The following PCDHA1 variants were observed in gnomAD, a reference collection of about 807,000 sequenced individuals.
PCDHA1 encodes the protein protocadherin alpha-1.
A neutral mutation model predicts 61.3 loss-of-function variants in PCDHA1; 42 were observed. The observed-to-expected ratio is 0.69, with a 90% CI of 0.54 to 0.89. The LOEUF (loss-of-function observed/expected upper bound fraction) is 0.89. Ranked by LOEUF, PCDHA1 falls within the 40% of genes least tolerant of loss-of-function variation. The pLI is 0.00. For missense variants in PCDHA1, 1,256 were observed against 1,235.3 expected (o/e 1.02, Z -0.25); for synonymous variants, 610 against 553.8 (o/e 1.10, Z -1.43).
chr5:140,870,009 G>T, intron 1 of PCDHA1: 2 of 1,613,488 alleles, frequency 1.2e-6, no homozygotes, highest in Non-Finnish European at 1.7e-6. Flanking sequence ...GAGAAGTGAG[G>T]GTCAATGGAA....
intron 1 of PCDHA1, chr5:140,829,893 C>T: frequency 6.2e-7 from 1 of 1,613,966 alleles, no homozygotes; most frequent in South Asian, 1.1e-5. Context: ...GACGCCGACT[C>T]AGGCTACAAC....
intron 1 of PCDHA1, among the ~76,000 whole-genome samples, chr5:140,923,323 C>T (rs1554201408): frequency 6.6e-6 from 1 of 152,092 alleles, no homozygotes; most frequent in Non-Finnish European, 1.5e-5. Context: ...CCTAGAAGTT[C>T]AAGGACAGTT....
At chr5:140,919,376 CAT>C (rs1245050758) in intron 1 of PCDHA1, among the ~76,000 whole-genome samples, 1 of 152,192 alleles carries the variant, frequency 6.6e-6, no homozygotes, top group Non-Finnish European at 1.5e-5. Context: ...GCAGACAACA[CAT>C]AGTTGGATGT....
chr5:140,946,216 C>T (rs1361042644), intron 1 of PCDHA1, among the ~76,000 whole-genome samples: 1 of 151,868 alleles, frequency 6.6e-6, no homozygotes, highest in Non-Finnish European at 1.5e-5. Flanking sequence ...AAATGACCAA[C>T]AGGTATACTA....
intron 1 of PCDHA1, among the ~76,000 whole-genome samples, chr5:140,855,676 T>G (rs1325964352): frequency 1.3e-5 from 2 of 149,550 alleles, no homozygotes; most frequent in Non-Finnish European, 3.0e-5. Context: ...ACTCTGAGAG[T>G]CTACATTTAA....
chr5:140,924,472 G>A (rs938412564), intron 1 of PCDHA1, among the ~76,000 whole-genome samples: 1 of 152,188 alleles, frequency 6.6e-6, no homozygotes, highest in African/African-American at 2.4e-5. Flanking sequence ...GAGGTAACTG[G>A]TTTTTAGTGG....
chr5:140,795,789 C>T (rs782729838), intron 1 of PCDHA1: 20 of 1,613,434 alleles, frequency 1.2e-5, no homozygotes, highest in Non-Finnish European at 1.7e-5. Flanking sequence ...GACCGAACAG[C>T]GAGATTGTGT....
At chr5:141,009,217 G>T (rs1554262066) in intron 3 of PCDHA1, among the ~76,000 whole-genome samples, 1 of 152,234 alleles carries the variant, frequency 6.6e-6, no homozygotes, top group African/African-American at 2.4e-5. Flanking sequence ...CACTTTGGGA[G>T]GCCAAGGTGG....
chr5:140,797,368 T>C (rs1762219064), intron 1 of PCDHA1: 2 of 1,607,862 alleles, frequency 1.2e-6, no homozygotes, highest in Admixed American at 3.4e-5. Context: ...TCTTTTACTT[T>C]TTCTTGCCAA....
At position 140,937,140 on chromosome 5, in the gene PCDHA1, C is replaced by T. The variant is rs553273845; in HGVS notation, c.2395-41809C>T. Among the ~76,000 whole-genome samples, 820 of 151,358 alleles carry T rather than the reference C, an allele frequency of 5.4e-3. 1 individual carries two copies. The highest frequency in any genetic ancestry group is 0.019 in the African/African-American group (789 of 41,228). On this transcript the variant is annotated intron_variant, in intron 1 of 3. Transcript: ENST00000504120. Reference sequence around the variant, plus strand: ...GCAAGCTCCGCCTCCCGGGTTCATGCCATTCTCCTGCCTCAGCCTCCCGAG... The same window carrying T: ...GCAAGCTCCGCCTCCCGGGTTCATGTCATTCTCCTGCCTCAGCCTCCCGAG...
At chr5:140,965,827 A>G (rs2095939185) in intron 1 of PCDHA1, among the ~76,000 whole-genome samples, 1 of 152,172 alleles carries the variant, frequency 6.6e-6, no homozygotes, top group Non-Finnish European at 1.5e-5. Context: ...TAAACATTTA[A>G]ATATTGGTTA....
chr5:140,883,004 G>A (rs1554176457), intron 1 of PCDHA1: 1 of 1,614,118 alleles, frequency 6.2e-7, no homozygotes, highest in East Asian at 2.2e-5. Flanking sequence ...TTACCAATCC[G>A]TTTATAAAGT....
chr5:140,956,434 T>G (rs1554222427), intron 1 of PCDHA1, among the ~76,000 whole-genome samples: 1 of 152,236 alleles, frequency 6.6e-6, no homozygotes, highest in Non-Finnish European at 1.5e-5. Flanking sequence ...TTAGTTCTGC[T>G]TATGTGATGA....
chr5:140,883,481 T>C (rs1401240290), intron 1 of PCDHA1: 1 of 1,614,166 alleles, frequency 6.2e-7, no homozygotes, highest in East Asian at 2.2e-5. Flanking sequence ...CAAGAACTAC[T>C]ACTCATTAGT....
rs781789539 is a variant in PCDHA1 at position 140,856,760 on chromosome 5, G to C, written c.2394+68076G>C. 3.8e-6 allele frequency: 6 copies of C among 1,596,522 alleles called. 2 individuals are homozygous for C. Among genetic ancestry groups the C allele is most frequent in the Non-Finnish European group, 5.1e-6 (6 of 1,166,548 alleles). On this transcript the variant is annotated intron_variant, in intron 1 of 3. Transcript: ENST00000504120. ...CCTGGTGTTAGATGCCAATGATAAC[G>C]CCCCTATCTTTGACAGACCGGTTTA...
At chr5:140,913,243 G>T (rs1386908951) in intron 1 of PCDHA1, among the ~76,000 whole-genome samples, 1 of 152,112 alleles carries the variant, frequency 6.6e-6, no homozygotes, top group Non-Finnish European at 1.5e-5. Flanking sequence ...GAGACTTTTT[G>T]TTACAACTTT....
intron 1 of PCDHA1, among the ~76,000 whole-genome samples, chr5:140,972,262 C>G (rs116021362): frequency 0.021 from 3,220 of 151,618 alleles, 50 homozygotes; most frequent in Non-Finnish European, 0.033. Context: ...ACATCAGCCT[C>G]CTGAGTAGCT....
chr5:140,978,642 C>T (rs140934683), intron 1 of PCDHA1, among the ~76,000 whole-genome samples: 126 of 152,354 alleles, frequency 8.3e-4, no homozygotes, highest in African/African-American at 2.8e-3. Context: ...TCAAAGCAGA[C>T]TGTTCTTCCC....
rs1554231844 is a variant in PCDHA1, at chr5:140,969,454, A to G, written c.2395-9495A>G. On this transcript the variant is annotated intron_variant, in intron 1 of 3. Coordinates refer to ENST00000504120, the MANE Select transcript of PCDHA1 (RefSeq NM_018900.4). ...AAGAGTTATCTGGTAAACTGAGTAT[A>G]TATAGTATCCACAATTTGATCATAA... 7.9e-6 allele frequency: 12 copies of G among 1,511,706 alleles called. No individual in the cohort carries two copies. The South Asian group carries it at 9.0e-5, about 11-fold the overall frequency. The allele number at this position is 1,511,706 out of a possible 1,614,324, so 93.6% of individuals were successfully genotyped here.
Sources: allele counts gnomAD v4.1 joint callset (sites outside exome capture counted in the v4.1 genomes callset), GRCh38; gene constraint gnomAD v4.1.1; transcripts MANE v1.5; gene names NCBI Gene and HGNC (gene_info 2026-07-23, HGNC 2026-07-21).